The following KANK1 variants were observed in gnomAD, a reference collection of about 807,000 sequenced individuals.
The protein encoded by KANK1 is KN motif and ankyrin repeat domain-containing protein 1.
Under a neutral mutation model 106.2 loss-of-function variants are expected in KANK1, and 109 were observed. The ratio of observed to expected loss-of-function variants is 1.03; its 90% CI spans 0.88 to 1.20. KANK1 has a LOEUF of 1.20. Ranked by LOEUF, KANK1 falls within the 50% of genes most tolerant of loss-of-function variation. The pLI, the probability that KANK1 is intolerant of heterozygous loss-of-function variation, is 0.00. For synonymous variants in KANK1, 873 were observed against 652.2 expected, an observed-to-expected ratio of 1.34 and a Z score of -5.16; for missense variants, 2,399 against 1,710.7, an observed-to-expected ratio of 1.40 and a Z score of -7.10.
chr9:606,140 C>A (rs1257749991), intron 1 of KANK1, among the ~76,000 whole-genome samples: 1 of 92,386 alleles, frequency 1.1e-5, no homozygotes, highest in Non-Finnish European at 2.4e-5. Context: ...TACACATATT[C>A]CTACACACAC....
Position 567,183 on chromosome 9 carries a change from G to T in KANK1, c.-84+62429G>T, listed in dbSNP as rs116866084. 7.6e-3 allele frequency among the ~76,000 whole-genome samples: 1,153 copies of T among 152,144 alleles called. 45 individuals carry two copies. The highest frequency in any genetic ancestry group is 0.066 in the East Asian group (340 of 5,170). The stretch of plus-strand genomic sequence containing the variant: ...TGCGGCCTTATTTCTGGGTTCTCTC[G>T]TCTGTTCCCTTGGTCTGTGTGTCTG... On this transcript the variant is annotated intron_variant, in intron 1 of 11. Coordinates refer to ENST00000382297, the MANE Select transcript of KANK1 (RefSeq NM_015158.5).
intron 1 of KANK1, among the ~76,000 whole-genome samples, chr9:642,931 T>C (rs1838805739): frequency 6.6e-6 from 1 of 150,584 alleles, no homozygotes; most frequent in East Asian, 1.9e-4. Context: ...GCGTTCTAAA[T>C]TTTTTTAATG....
At chr9:509,966 A>G (rs1281758314) in intron 1 of KANK1, among the ~76,000 whole-genome samples, 1 of 145,808 alleles carries the variant, frequency 6.9e-6, no homozygotes, top group Non-Finnish European at 1.5e-5. Flanking sequence ...GCACTCAGCT[A>G]ATTTTTCCTT....
intron 1 of KANK1, among the ~76,000 whole-genome samples, chr9:546,227 T>C (rs2060922674): frequency 6.6e-6 from 1 of 152,088 alleles, no homozygotes; most frequent in African/African-American, 2.4e-5. Flanking sequence ...TCTGCACTTC[T>C]CAATCGAAGG....
intron 1 of KANK1, among the ~76,000 whole-genome samples, chr9:595,849 G>T (rs974161662): frequency 2.6e-5 from 4 of 151,860 alleles, no homozygotes; most frequent in African/African-American, 9.7e-5. Flanking sequence ...ATGATAGATA[G>T]AAGAATTATT....
intron 2 of KANK1, among the ~76,000 whole-genome samples, chr9:677,799 G>A (rs771968138): frequency 4.6e-5 from 7 of 152,206 alleles, no homozygotes; most frequent in Non-Finnish European, 7.3e-5. Flanking sequence ...ACCTTCAAAT[G>A]ACAACATTAT....
At chr9:543,500 A>G (rs1024185280) in intron 1 of KANK1, among the ~76,000 whole-genome samples, 16 of 151,450 alleles carry the variant, frequency 1.1e-4, no homozygotes, top group Admixed American at 5.3e-4. Context: ...TGGAGGTTGC[A>G]GTGAATCAAG....
chr9:734,788 C>A lies in KANK1; in HGVS notation c.3286C>A (p.Leu1096Met), dbSNP rs1833318381. The part of the protein sequence containing the change: ...SEKMLSACNL[L>M]KNTINDPKAL... ...AAAGATGTTGTCTGCATGCAACTTA[C>A]TGAAAAATACTATAAATGACCCCAA... The change falls in exon 7 of 12, where the codon CTG becomes ATG. Residue 1096 changes from leucine (L) to methionine (M), a missense_variant. Leu to Met is a conservative substitution (Grantham distance 15). Transcript: ENST00000382297. The A allele has an allele frequency of 1.2e-6, 2 of 1,613,858 alleles. No homozygotes were observed. The highest frequency in any genetic ancestry group is 1.1e-5 in the South Asian group (1 of 91,078).
At chr9:551,358 G>A (rs1019548273) in intron 1 of KANK1, among the ~76,000 whole-genome samples, 1 of 151,942 alleles carries the variant, frequency 6.6e-6, no homozygotes, top group Non-Finnish European at 1.5e-5. Flanking sequence ...GGTTTTATAG[G>A]CGTGATTCCC....
intron 1 of KANK1, among the ~76,000 whole-genome samples, chr9:645,945 A>T (rs572553667): frequency 6.6e-6 from 1 of 151,032 alleles, no homozygotes. Context: ...TAAAAGATTT[A>T]TTTCAACAAA....
intron 3 of KANK1, among the ~76,000 whole-genome samples, chr9:486,733 A>G (rs2058299268): frequency 6.6e-6 from 1 of 152,230 alleles, no homozygotes; most frequent in Non-Finnish European, 1.5e-5. Context: ...TTCCGTCATT[A>G]TAAAAAAATA....
At chr9:552,222 C>G (rs1045789991) in intron 1 of KANK1, among the ~76,000 whole-genome samples, 2 of 152,136 alleles carry the variant, frequency 1.3e-5, no homozygotes, top group African/African-American at 4.8e-5. Flanking sequence ...TGCAGACACC[C>G]TGAGGTAGAA....
chr9:511,393 T>G (rs1418972079), intron 1 of KANK1, among the ~76,000 whole-genome samples: 5 of 152,230 alleles, frequency 3.3e-5, no homozygotes, highest in Non-Finnish European at 7.3e-5. Context: ...ATTGTAGGTG[T>G]AGGCCCAGGC....
intron 3 of KANK1, among the ~76,000 whole-genome samples, chr9:490,527 T>TAAC (rs1286770174): frequency 8.6e-5 from 13 of 151,266 alleles, no homozygotes; most frequent in African/African-American, 3.2e-4. Context: ...ATAATAATAA[T>TAAC]AACAATAGGC....
At chr9:654,934 T>C (rs996163515) in intron 1 of KANK1, among the ~76,000 whole-genome samples, 5 of 152,060 alleles carry the variant, frequency 3.3e-5, no homozygotes, top group African/African-American at 1.2e-4. Context: ...CGGAACACGT[T>C]TTGAGAACCA....
At chr9:640,127 A>G (rs1335175473) in intron 1 of KANK1, among the ~76,000 whole-genome samples, 1 of 152,202 alleles carries the variant, frequency 6.6e-6, no homozygotes, top group Non-Finnish European at 1.5e-5. Context: ...AAGAGTTTGT[A>G]TTCCCAACTC....
chr9:511,534 G>A (rs1453407506), intron 1 of KANK1, among the ~76,000 whole-genome samples: 1 of 151,402 alleles, frequency 6.6e-6, no homozygotes, highest in African/African-American at 2.5e-5. Context: ...GTACTTGTGA[G>A]GATTGAATGA....
chr9:608,130 C>T (rs1041791421), intron 1 of KANK1, among the ~76,000 whole-genome samples: 10 of 147,122 alleles, frequency 6.8e-5, no homozygotes, highest in East Asian at 2.0e-4. Context: ...CTCCGCTTCC[C>T]GGGTTCACGC....
At chr9:558,012 A>G (rs1462801696) in intron 1 of KANK1, among the ~76,000 whole-genome samples, 1 of 152,208 alleles carries the variant, frequency 6.6e-6, no homozygotes, top group African/African-American at 2.4e-5. Flanking sequence ...CAAAAAACAA[A>G]CAAACAAACC....
Sources: gnomAD v4.1 joint callset for allele counts (sites outside exome capture counted in the v4.1 genomes callset) on GRCh38, gnomAD v4.1.1 for gene constraint, MANE v1.5 for transcripts, NCBI Gene and HGNC (gene_info 2026-07-23, HGNC 2026-07-21) for gene names.